The following HNF1B variants were observed in gnomAD, a reference collection of about 807,000 sequenced individuals.
The protein encoded by HNF1B is hepatocyte nuclear factor 1-beta.
A neutral mutation model predicts 61.7 loss-of-function variants in HNF1B; 8 were observed. The ratio of observed to expected loss-of-function variants is 0.13; its 90% CI spans 0.08 to 0.23. The LOEUF (loss-of-function observed/expected upper bound fraction) is 0.23. Among genes scored for constraint, HNF1B ranks in the 10% least tolerant of loss-of-function variants. The probability of loss-of-function intolerance (pLI) is 1.00; values close to 1 mark genes in which losing one functional copy is unlikely to be tolerated. For synonymous variants in HNF1B, 314 were observed against 287.7 expected (o/e 1.09, Z -0.93); for missense variants, 562 against 714.5 (o/e 0.79, Z 2.43).
At chr17:37,707,746 ATG>A (rs2032798007) in intron 5 of HNF1B, among the ~76,000 whole-genome samples, 1 of 151,562 alleles carries the variant, frequency 6.6e-6, no homozygotes, top group Admixed American at 6.6e-5. Flanking sequence ...AGTATCCAGT[ATG>A]TGCTTTGCTT....
chr17:37,728,392 C>T (rs1484794449), intron 4 of HNF1B, among the ~76,000 whole-genome samples: 7 of 151,750 alleles, frequency 4.6e-5, no homozygotes, highest in African/African-American at 1.2e-4. Context: ...CTGCAAGCTC[C>T]GCCTCCTGGG....
intron 2 of HNF1B, among the ~76,000 whole-genome samples, chr17:37,734,586 G>A (rs1273720434): frequency 6.6e-6 from 1 of 152,126 alleles, no homozygotes. Flanking sequence ...AGCCCACATG[G>A]TTTAATGAGA....
intron 2 of HNF1B, among the ~76,000 whole-genome samples, chr17:37,737,795 A>G (rs937888609): frequency 5.3e-5 from 8 of 152,140 alleles, no homozygotes; most frequent in Non-Finnish European, 8.8e-5. Context: ...AGATCGCGCC[A>G]CTGCACTCCA....
Position 37,704,922 on chromosome 17 carries a change from G to C in HNF1B, c.1334C>G (p.Ala445Gly), listed in dbSNP as rs1297062924. 1 of 1,614,098 alleles carries C rather than the reference G, an allele frequency of 6.2e-7. No homozygotes were observed. The highest frequency in any genetic ancestry group is 1.1e-5 in the South Asian group (1 of 91,076). ...CAACCAAGAATAGAACTTACTTTGT[G>C]CAATTGCCATGACTCCAGAGAGGGG... The part of the protein sequence containing the change: ...MTPLSGVMAI[A>G]QSLNTSQAQS... Residue 445 changes from alanine to glycine, a missense_variant, in exon 6 of 9, where the codon GCA becomes GGA. By Grantham distance (60) the Ala-to-Gly change is moderately conservative. This residue lies in a region of HNF1B where 211 missense variants were observed against 200.7 expected (regional missense o/e 1.05). Coordinates refer to ENST00000617811, the MANE Select transcript of HNF1B (RefSeq NM_000458.4).
At chr17:37,738,963 T>C (rs1320947159) in intron 2 of HNF1B, among the ~76,000 whole-genome samples, 1 of 152,224 alleles carries the variant, frequency 6.6e-6, no homozygotes, top group Non-Finnish European at 1.5e-5. Flanking sequence ...GTTCTGAATA[T>C]ATCTCTCTAT....
intron 8 of HNF1B, among the ~76,000 whole-genome samples, chr17:37,697,002 C>T (rs913896329): frequency 6.6e-6 from 1 of 152,114 alleles, no homozygotes; most frequent in African/African-American, 2.4e-5. Flanking sequence ...TTGTTCCTGA[C>T]CACAAAGACA....
chr17:37,731,629 G>C lies in HNF1B; in HGVS notation c.1011C>G (p.His337Gln). ...TGTTTGGAGGAGAGGAGCTGGGCTGGTGGTGGGGGGAGCCGTGGGAGAGCA... is the reference window on the plus strand; with the variant it reads ...TGTTTGGAGGAGAGGAGCTGGGCTGCTGGTGGGGGGAGCCGTGGGAGAGCA... ...NPLLSHGSPH[H>Q]QPSSSPPNKL... Residue 337 changes from histidine to glutamine, a missense_variant, in exon 4 of 9, where the codon CAC becomes CAG. By Grantham distance (24) the His-to-Gln change is conservative (BLOSUM62 0). This residue lies in a region of HNF1B where 211 missense variants were observed against 200.7 expected (regional missense o/e 1.05). Coordinates refer to ENST00000617811, the MANE Select transcript of HNF1B (RefSeq NM_000458.4). The C allele has an allele frequency of 1.2e-6, 2 of 1,613,914 alleles. No individual in the cohort carries two copies. Among genetic ancestry groups the C allele is most frequent in the South Asian group, 2.2e-5 (2 of 91,042 alleles).
intron 4 of HNF1B, among the ~76,000 whole-genome samples, chr17:37,719,581 T>C (rs2033239842): frequency 6.6e-6 from 1 of 152,216 alleles, no homozygotes; most frequent in South Asian, 2.1e-4. Context: ...GGGTCTGGTA[T>C]TTTCTGAGCA....
chr17:37,706,796 A>C (rs1420388915), intron 5 of HNF1B, among the ~76,000 whole-genome samples: 1 of 152,146 alleles, frequency 6.6e-6, no homozygotes, highest in East Asian at 1.9e-4. Flanking sequence ...GCATTTGGTT[A>C]ATGGTATAAG....
At chr17:37,722,469 T>A (rs1277457302) in intron 4 of HNF1B, among the ~76,000 whole-genome samples, 7 of 152,134 alleles carry the variant, frequency 4.6e-5, no homozygotes, top group African/African-American at 1.7e-4. Flanking sequence ...CTGATTTGGG[T>A]GCTATACTGG....
chr17:37,739,976 A>ATT (rs60510200), intron 1 of HNF1B, among the ~76,000 whole-genome samples: 2 of 151,012 alleles, frequency 1.3e-5, no homozygotes, highest in Non-Finnish European at 2.9e-5. Context: ...ATTTATTATT[A>ATT]TTTTTTTTGA....
rs1039542219 is a variant in HNF1B, at chr17:37,744,425, G to T, written c.344+116C>A. ...GGAGAGAAGCAGAGCGCCCCCCGGG[G>T]GACTTCTCTGGTGGGAAACGGGCTT... On this transcript the variant is annotated intron_variant, in intron 1 of 8. Transcript: ENST00000617811. 6.9e-5 allele frequency: 73 copies of T among 1,054,362 alleles called. No individual in the cohort carries two copies. In the Admixed American group the frequency reaches 1.4e-3, roughly 20 times the overall value. The allele number at this position is 1,054,362 out of a possible 1,614,324, so 65.3% of individuals were successfully genotyped here. A position where few individuals can be genotyped will look rare whatever the true frequency, so the allele number is the denominator to read the frequency against.
chr17:37,710,735 T>C (rs2032908190), intron 4 of HNF1B, 72 bp from the exon 5 acceptor site: 1 of 1,479,202 alleles, frequency 6.8e-7, no homozygotes. Flanking sequence ...TCGGCACCTC[T>C]TGTTTTCAAG....
At chr17:37,743,864 C>G (rs985172565) in intron 1 of HNF1B, among the ~76,000 whole-genome samples, 1 of 152,228 alleles carries the variant, frequency 6.6e-6, no homozygotes, top group Non-Finnish European at 1.5e-5. Context: ...CGCGTTCGCC[C>G]CCACACCACC....
rs760528165 is a variant in HNF1B, at chr17:37,744,751, G to A, written c.134C>T (p.Thr45Met). 6.2e-7 allele frequency: 1 copy of A among 1,613,554 alleles called. No individual in the cohort carries two copies. Among genetic ancestry groups the A allele is most frequent in the Non-Finnish European group, 8.5e-7 (1 of 1,180,032 alleles). The change falls in exon 1 of 9, where the codon ACG (threonine) becomes ATG (methionine). Residue 45 changes from threonine (T) to methionine (M), a missense_variant. This residue lies in a region of HNF1B where 148 missense variants were observed against 147.3 expected (regional missense o/e 1.00). Coordinates refer to ENST00000617811, the MANE Select transcript of HNF1B (RefSeq NM_000458.4). ...PSPNFGVKLETLPLSPGSGAE... is the reference protein window; with the variant it reads ...PSPNFGVKLEMLPLSPGSGAE... ...CCCGCTGCCAGGGGACAGGGGCAGC[G>A]TCTCCAGCTTCACCCCGAAGTTCGG... is the stretch of plus-strand genomic sequence containing the variant.
intron 8 of HNF1B, among the ~76,000 whole-genome samples, chr17:37,695,839 A>G (rs1439281690): frequency 6.6e-6 from 1 of 152,024 alleles, no homozygotes; most frequent in Non-Finnish European, 1.5e-5. Context: ...TAGTTTTTTT[A>G]TTTTACAAGC....
At chr17:37,744,376 G>A (rs1395907269) in intron 1 of HNF1B, among the ~76,000 whole-genome samples, 165 bp downstream of exon 1, 1 of 152,240 alleles carries the variant, frequency 6.6e-6, no homozygotes, top group African/African-American at 2.4e-5. Flanking sequence ...TCCCGCTAAG[G>A]GATTGGGAAG....
chr17:37,739,870 G>A (rs2033942199), intron 1 of HNF1B, among the ~76,000 whole-genome samples: 1 of 151,974 alleles, frequency 6.6e-6, no homozygotes, highest in Non-Finnish European at 1.5e-5. Flanking sequence ...GGCAAAAGAG[G>A]ACTTCCCATC....
intron 8 of HNF1B, among the ~76,000 whole-genome samples, chr17:37,691,656 G>C (rs948233571): frequency 1.3e-5 from 2 of 152,134 alleles, no homozygotes; most frequent in African/African-American, 2.4e-5. Flanking sequence ...CCATGAAAGA[G>C]GTATCATTAT....
Sources: allele counts gnomAD v4.1 joint callset (sites outside exome capture counted in the v4.1 genomes callset), GRCh38; gene constraint gnomAD v4.1.1; regional missense constraint gnomAD v4.1.1; transcripts MANE v1.5; gene names NCBI Gene and HGNC (gene_info 2026-07-23, HGNC 2026-07-21).